TRIP6: variants seen among roughly 807,000 people sequenced by gnomAD.
TRIP6 encodes thyroid receptor-interacting protein 6.
TRIP6 carries 33 observed loss-of-function variants against 51.9 expected under a neutral mutation model. That is an observed-to-expected ratio of 0.64 (90% CI 0.48 to 0.85). The LOEUF (loss-of-function observed/expected upper bound fraction) is 0.85. TRIP6 is among the 40% of genes least tolerant of loss of function. The pLI is 0.00. For missense variants in TRIP6, 661 were observed against 652.1 expected, an observed-to-expected ratio of 1.01 and a Z score of -0.15; for synonymous variants, 255 against 275.8, an observed-to-expected ratio of 0.92 and a Z score of 0.75.
rs1815177013 is a variant in TRIP6, at chr7:100,867,880, G to A, written c.129G>A (p.Arg43=). The A allele has an allele frequency of 3.9e-6, 6 of 1,531,888 alleles. No individual in the cohort carries two copies. The South Asian group carries it at 5.3e-5, about 13-fold the overall frequency. The allele number at this position is 1,531,888 out of a possible 1,614,324, so 94.9% of individuals were successfully genotyped here. ...ACCCAGCACTCCAGCCCCACCCCAG[G>A]GTCAATTTTTGCCCCCTTCCATCTG... ...AHGAALQPHP[R]VNFCPLPSEQ... is the part of the protein sequence containing the mutation. The change falls in exon 2 of 9, where the codon AGG becomes AGA. Residue 43 remains arginine, a synonymous_variant. Transcript: ENST00000200457. The surrounding 1 kb of genome is among the most constrained non-coding windows in gnomAD (Gnocchi z 5.4).
rs748887392 is a variant in TRIP6, at chr7:100,871,640, T to C, written c.1097T>C (p.Val366Ala). 7.2e-5 allele frequency: 116 copies of C among 1,614,024 alleles called. No homozygotes were observed. Among genetic ancestry groups the C allele is most frequent in the Non-Finnish European group, 9.2e-5 (108 of 1,180,052 alleles). Residue 366 changes from valine to alanine, a missense_variant, in exon 7 of 9, where the codon GTG becomes GCG. Coordinates refer to ENST00000200457, the MANE Select transcript of TRIP6 (RefSeq NM_003302.3). The stretch of plus-strand genomic sequence containing the variant: ...TACCACCCTGGCTGCTTCACCTGCG[T>C]GGTGTGTCACCGCGGCCTCGACGGC... ...KAYHPGCFTC[V>A]VCHRGLDGIP... is the part of the protein sequence containing the mutation.
rs541715657 is a variant in TRIP6, at chr7:100,870,460, T to C, written c.826T>C (p.Phe276Leu). The change falls in exon 5 of 9, where the codon TTT becomes CTT. Residue 276 changes from phenylalanine to leucine, a missense_variant. Transcript: ENST00000200457. The stretch of plus-strand genomic sequence containing the variant: ...GAACCACCCGCCCAGCGGGGAGTAC[T>C]TTGGTGAGCTGAGGCTGTGGGGTGG... Reference protein sequence around the residue: ...DMNHPPSGEYFGQCGGCGEDV... With the variant: ...DMNHPPSGEYLGQCGGCGEDV... 6.2e-7 allele frequency: 1 copy of C among 1,613,154 alleles called. No homozygotes were observed. The highest frequency in any genetic ancestry group is 1.7e-5 in the Admixed American group (1 of 59,962).
In TRIP6 at chr7:100,871,693, C is replaced by T. The variant is rs1417431269; in HGVS notation, c.1150C>T (p.Gln384Ter). ...CCCCTTCACAGTGGATGCTACGAGC[C>T]AGATCCACTGCATTGAGGACTTTCA... is the stretch of plus-strand genomic sequence containing the variant. ...GIPFTVDATS[Q>*]IHCIEDFHRK... is the part of the protein sequence containing the mutation. Residue 384 changes from glutamine to a stop codon, truncating the protein, a stop_gained, in exon 7 of 9, where the codon CAG (glutamine) becomes TAG (stop). Coordinates refer to ENST00000200457, the MANE Select transcript of TRIP6 (RefSeq NM_003302.3). LOFTEE classifies it high-confidence loss of function. 2 of 1,613,970 alleles carry T rather than the reference C, an allele frequency of 1.2e-6. No homozygotes were observed. Among genetic ancestry groups the T allele is most frequent in the Non-Finnish European group, 1.7e-6 (2 of 1,180,038 alleles).
At position 100,868,835 on chromosome 7, in the gene TRIP6, G is replaced by T. The variant is rs763389821; in HGVS notation, c.704G>T (p.Gly235Val). ...GCTGCTGGGGTCTCTGGCCCTGCAG[G>T]AAGAGGAAGAGGAGGCGAGCACGGG... ...EEAAGVSGPA[G>V]RGRGGEHGPQ... The change falls in exon 4 of 9, where the codon GGA (glycine) becomes GTA (valine). Residue 235 changes from glycine to valine, a missense_variant. Gly to Val is a moderately radical substitution (Grantham distance 109, BLOSUM62 -3). Coordinates refer to ENST00000200457, the MANE Select transcript of TRIP6 (RefSeq NM_003302.3). 3.3e-6 allele frequency: 5 copies of T among 1,515,864 alleles called. No individual in the cohort carries two copies. In the Admixed American group the frequency reaches 1.2e-4, roughly 35 times the overall value. 93.9% of individuals were successfully genotyped at this position (1,515,864 alleles called of 1,614,324 possible).
intron 6 of TRIP6, chr7:100,870,959 C>T (rs1201753587): frequency 4.3e-6 from 3 of 697,336 alleles, no homozygotes; most frequent in African/African-American, 1.8e-5. Context: ...AAGTGTGGAG[C>T]ATCTTACAGT....
intron 4 of TRIP6, among the ~76,000 whole-genome samples, chr7:100,869,190 T>G (rs1031379886): frequency 1.1e-4 from 16 of 150,194 alleles, no homozygotes; most frequent in African/African-American, 3.7e-4. Flanking sequence ...ACTCCCGACC[T>G]CAGGTGATCC....
intron 2 of TRIP6, 53 bp from the exon 3 acceptor site, chr7:100,868,055 C>T: frequency 1.3e-6 from 2 of 1,572,882 alleles, no homozygotes; most frequent in Non-Finnish European, 1.7e-6. Flanking sequence ...GGACCCAGGA[C>T]AGGAGAAGGC....
chr7:100,869,269 T>G (rs1334778600), intron 4 of TRIP6, among the ~76,000 whole-genome samples: 1 of 149,922 alleles, frequency 6.7e-6, no homozygotes, highest in African/African-American at 2.4e-5. Context: ...AGGGGCTGGT[T>G]TTGGAGCAGA....
intron 7 of TRIP6, 22 bp downstream of exon 7, chr7:100,871,743 G>A (rs774301865): frequency 6.2e-7 from 1 of 1,607,738 alleles, no homozygotes; most frequent in Non-Finnish European, 8.5e-7. Context: ...CCTCCACCTT[G>A]TCTCACAATG....
chr7:100,870,333 A>G (rs1815241352), intron 4 of TRIP6, 37 bp from the exon 5 acceptor site: 12 of 1,519,480 alleles, frequency 7.9e-6, no homozygotes, highest in Non-Finnish European at 1.1e-5. Flanking sequence ...CAGCATCAGG[A>G]GCTAGAGTAG....
chr7:100,870,495 G>T (rs746286234), intron 5 of TRIP6, 32 bp downstream of exon 5: 2 of 1,607,608 alleles, frequency 1.2e-6, no homozygotes, highest in South Asian at 2.2e-5. Context: ...GGTGGGACGT[G>T]GGAAGGGAGG....
In TRIP6 at chr7:100,867,781, G is replaced by A; in HGVS notation, c.110-80G>A. On this transcript the variant is annotated intron_variant, in intron 1 of 8. Coordinates refer to ENST00000200457, the MANE Select transcript of TRIP6 (RefSeq NM_003302.3). This position sits in a 1 kb window ranked among gnomAD's most constrained non-coding sequence, Gnocchi z 5.4. The stretch of plus-strand genomic sequence containing the variant: ...AGATTTGGGGGAGGAGGTAACGAGA[G>A]GCGGAGAGGGTGGCTCCTCAAATAT... The A allele has an allele frequency of 5.3e-6, 8 of 1,515,056 alleles. No individual in the cohort carries two copies. Among genetic ancestry groups the A allele is most frequent in the African/African-American group, 1.4e-5 (1 of 70,638 alleles). The allele number at this position is 1,515,056 out of a possible 1,614,324, so 93.9% of individuals were successfully genotyped here.
chr7:100,872,489 C>T (rs1025479090), intron 7 of TRIP6, 135 bp from the exon 8 acceptor site: 5 of 1,351,578 alleles, frequency 3.7e-6, no homozygotes, highest in East Asian at 4.9e-5. Context: ...TCTTTGACAT[C>T]GTCCCTTCCC....
chr7:100,868,066 C>T (rs1815183043), intron 2 of TRIP6, 42 bp from the exon 3 acceptor site: 6 of 1,605,034 alleles, frequency 3.7e-6, no homozygotes, highest in Non-Finnish European at 5.1e-6. Context: ...AGGAGAAGGC[C>T]TATGGTGATT....
At chr7:100,871,327 A>C in intron 6 of TRIP6, 1 of 605,850 alleles carries the variant, frequency 1.7e-6, no homozygotes, top group East Asian at 2.8e-5. Context: ...GAGCCACTGC[A>C]CCCAGCCTGA....
chr7:100,870,950 A>G, intron 6 of TRIP6: 1 of 710,352 alleles, frequency 1.4e-6, no homozygotes. Context: ...AGCTCTTACA[A>G]GTGTGGAGCA....
rs1815246625 is a variant in TRIP6, at chr7:100,870,561, T to C, written c.830-13T>C. 1 of 1,611,920 alleles carries C rather than the reference T, an allele frequency of 6.2e-7. No homozygotes were observed. The highest frequency in any genetic ancestry group is 1.3e-5 in the African/African-American group (1 of 74,904). ...GGTCTGTGAAGACTGATGCTGTTTC[T>C]CCCTGTCCTCAGGCCAGTGTGGTGG... On this transcript the variant is annotated splice_polypyrimidine_tract_variant and intron_variant, in intron 5 of 8. Transcript: ENST00000200457.
chr7:100,867,427 G>A lies in TRIP6; in HGVS notation c.-71G>A, dbSNP rs1815160775. 1 of 1,152,818 alleles carries A rather than the reference G, an allele frequency of 8.7e-7. No individual in the cohort carries two copies. The highest frequency in any genetic ancestry group is 1.2e-6 in the Non-Finnish European group (1 of 854,674). The allele number at this position is 1,152,818 out of a possible 1,614,324, so 71.4% of individuals were successfully genotyped here. A position where few individuals can be genotyped will look rare whatever the true frequency, so the allele number is the denominator to read the frequency against. ...TTCTGGAGTCCCAAACGAGGTGCGG[G>A]ACGGAAGAGGGGGTGAAGGCCAGAG... On this transcript the variant is annotated 5_prime_UTR_variant, in exon 1 of 9. Coordinates refer to ENST00000200457, the MANE Select transcript of TRIP6 (RefSeq NM_003302.3). The surrounding 1 kb of genome is among the most constrained non-coding windows in gnomAD (Gnocchi z 5.4).
intron 7 of TRIP6, 98 bp from the exon 8 acceptor site, chr7:100,872,526 T>C: frequency 6.4e-7 from 1 of 1,553,326 alleles, no homozygotes; most frequent in Non-Finnish European, 8.7e-7. Context: ...ACCTCTGGCC[T>C]CTCTGATTCC....
Sources: allele counts gnomAD v4.1 joint callset (sites outside exome capture counted in the v4.1 genomes callset), GRCh38; gene constraint gnomAD v4.1.1; non-coding constraint Gnocchi (gnomAD v3.1); transcripts MANE v1.5; gene names NCBI Gene and HGNC (gene_info 2026-07-23, HGNC 2026-07-21).